Variants in GAB2 observed in about 807,000 individuals in gnomAD.
GAB2 encodes GRB2-associated-binding protein 2.
In GAB2, 26 loss-of-function variants were observed where a neutral mutation model predicts 65.5. The ratio of observed to expected loss-of-function variants is 0.40; its 90% confidence interval spans 0.29 to 0.55. GAB2 has a LOEUF of 0.55. GAB2 is among the 20% of genes least tolerant of loss of function. The pLI is 0.53. For synonymous variants in GAB2, 321 were observed against 329.6 expected (o/e 0.97, Z 0.28); for missense variants, 884 against 875.8 (o/e 1.01, Z -0.12).
intron 1 of GAB2, among the ~76,000 whole-genome samples, chr11:78,293,983 T>A (rs1224258886): frequency 1.3e-5 from 2 of 152,152 alleles, no homozygotes; most frequent in Non-Finnish European, 2.9e-5. Context: ...TAGTTACATA[T>A]GTATACATGT....
chr11:78,415,074 A>T (rs1857177532), intron 1 of GAB2, among the ~76,000 whole-genome samples: 1 of 152,050 alleles, frequency 6.6e-6, no homozygotes, highest in South Asian at 2.1e-4. Context: ...GTTTCACCAC[A>T]TTGGCCAGGC....
intron 6 of GAB2, among the ~76,000 whole-genome samples, chr11:78,222,922 C>T (rs935114223): frequency 7.2e-5 from 11 of 152,132 alleles, no homozygotes; most frequent in African/African-American, 2.2e-4. Flanking sequence ...AGATGGTCAC[C>T]GTGACTACTC....
chr11:78,258,910 T>C (rs2510031), intron 2 of GAB2, among the ~76,000 whole-genome samples: 41,445 of 152,064 alleles, frequency 0.27, 6,871 homozygotes, highest in African/African-American at 0.46. Context: ...TACACGTGCA[T>C]GTTTGTTATG....
rs138887776 is a variant in GAB2, at chr11:78,352,138, G to A, written c.75+65508C>T. On this transcript the variant is annotated intron_variant, in intron 1 of 9. Coordinates refer to ENST00000361507, the MANE Select transcript of GAB2 (RefSeq NM_080491.3). ...TGAGGCAGGAGAATCACTTGAATCC[G>A]GGAGGCGGAGGCTGCAGTAAGCCGA... Among the ~76,000 whole-genome samples, 625 of 152,234 alleles carry A rather than the reference G, an allele frequency of 4.1e-3. 2 individuals carry two copies. Among genetic ancestry groups the A allele is most frequent in the African/African-American group, 0.013 (542 of 41,526 alleles).
At chr11:78,385,093 A>G (rs1216749657) in intron 1 of GAB2, among the ~76,000 whole-genome samples, 1 of 152,252 alleles carries the variant, frequency 6.6e-6, no homozygotes, top group Non-Finnish European at 1.5e-5. Context: ...TGCACCTGAA[A>G]TACAAACAGC....
At chr11:78,259,987 T>C (rs1478069514) in intron 2 of GAB2, among the ~76,000 whole-genome samples, 1 of 152,224 alleles carries the variant, frequency 6.6e-6, no homozygotes, top group Non-Finnish European at 1.5e-5. Context: ...CTGTTATTTG[T>C]TTTGAGTTTA....
intron 3 of GAB2, among the ~76,000 whole-genome samples, chr11:78,227,352 G>A (rs184423605): frequency 2.0e-5 from 3 of 152,292 alleles, no homozygotes; most frequent in South Asian, 2.1e-4. Flanking sequence ...CGCAGAATAT[G>A]CACATTCGAA....
chr11:78,248,510 C>T (rs1865357718), intron 3 of GAB2, among the ~76,000 whole-genome samples: 1 of 152,202 alleles, frequency 6.6e-6, no homozygotes, highest in South Asian at 2.1e-4. Flanking sequence ...GTCTGCAAGG[C>T]ACTACAGCTA....
chr11:78,390,520 C>A (rs1022522669), intron 1 of GAB2, among the ~76,000 whole-genome samples: 7 of 152,040 alleles, frequency 4.6e-5, no homozygotes, highest in Non-Finnish European at 2.9e-5. Flanking sequence ...ACCAGGGAGG[C>A]GGAGGTTGCA....
intron 1 of GAB2, among the ~76,000 whole-genome samples, chr11:78,350,809 T>C (rs904634926): frequency 9.2e-5 from 14 of 152,232 alleles, no homozygotes; most frequent in African/African-American, 3.4e-4. Flanking sequence ...CATGTGCTTT[T>C]GTGCTCATTG....
chr11:78,350,051 A>T (rs1856252420), intron 1 of GAB2, among the ~76,000 whole-genome samples: 1 of 152,188 alleles, frequency 6.6e-6, no homozygotes, highest in Non-Finnish European at 1.5e-5. Context: ...GTCTTGTGAA[A>T]CATTCTGTTG....
chr11:78,313,309 C>T (rs1855538496), intron 1 of GAB2, among the ~76,000 whole-genome samples: 1 of 152,090 alleles, frequency 6.6e-6, no homozygotes, highest in African/African-American at 2.4e-5. Flanking sequence ...GAATCCTAGA[C>T]TGTTGAGAAT....
intron 1 of GAB2, among the ~76,000 whole-genome samples, chr11:78,343,136 C>G (rs893577841): frequency 1.3e-5 from 2 of 152,062 alleles, no homozygotes; most frequent in Admixed American, 1.3e-4. Context: ...ATATCTATAT[C>G]AAGAGTCAAG....
intron 1 of GAB2, among the ~76,000 whole-genome samples, chr11:78,284,766 T>C (rs756270442): frequency 1.3e-5 from 2 of 152,112 alleles, no homozygotes; most frequent in African/African-American, 2.4e-5. Flanking sequence ...TTTTATGACT[T>C]TTCCGCACCC....
rs1182338426 is a variant in GAB2, at chr11:78,417,761, G to A, written c.-41C>T. 2.7e-6 allele frequency: 3 copies of A among 1,118,186 alleles called. No homozygotes were observed. Among genetic ancestry groups the A allele is most frequent in the Non-Finnish European group, 3.3e-6 (3 of 898,118 alleles). 69.3% of individuals were successfully genotyped at this position (1,118,186 alleles called of 1,614,324 possible). A position where few individuals can be genotyped will look rare whatever the true frequency, so the allele number is the denominator to read the frequency against. On this transcript the variant is annotated 5_prime_UTR_variant, in exon 1 of 10. Transcript: ENST00000361507. ...CCCCCCGCCGGGTCGCGCGGACGAG[G>A]GCGCGGGCTCGGGCAGCTGGGGCAG...
At chr11:78,287,555 A>C (rs901718764) in intron 1 of GAB2, among the ~76,000 whole-genome samples, 2 of 150,918 alleles carry the variant, frequency 1.3e-5, no homozygotes, top group African/African-American at 4.9e-5. Context: ...TGTGATTACA[A>C]GTGTGAACCA....
chr11:78,278,448 T>A (rs896645780), intron 2 of GAB2, among the ~76,000 whole-genome samples: 1 of 151,880 alleles, frequency 6.6e-6, no homozygotes, highest in African/African-American at 2.4e-5. Flanking sequence ...AGTGGTGCGA[T>A]CTTGTCTCTG....
chr11:78,325,621 C>T (rs1460484312), intron 1 of GAB2, among the ~76,000 whole-genome samples: 1 of 152,300 alleles, frequency 6.6e-6, no homozygotes, highest in East Asian at 1.9e-4. Flanking sequence ...GTTTATGATG[C>T]TAGATTTCTA....
intron 3 of GAB2, among the ~76,000 whole-genome samples, 155 bp downstream of exon 3, chr11:78,250,002 A>C (rs555223024): frequency 6.6e-6 from 1 of 151,838 alleles, no homozygotes; most frequent in African/African-American, 2.4e-5. Flanking sequence ...TAAAATATGA[A>C]GGCTACAGAA....
Sources: gnomAD v4.1 joint callset for allele counts (sites outside exome capture counted in the v4.1 genomes callset) on GRCh38, gnomAD v4.1.1 for gene constraint, MANE v1.5 for transcripts, NCBI Gene and HGNC (gene_info 2026-07-23, HGNC 2026-07-21) for gene names.